PAAF1: variants seen among roughly 807,000 people sequenced by gnomAD.
The protein encoded by PAAF1 is proteasomal ATPase-associated factor 1.
Under a neutral mutation model 52.8 loss-of-function variants are expected in PAAF1, and 46 were observed. The ratio of observed to expected loss-of-function variants is 0.87; its 90% confidence interval spans 0.69 to 1.11. PAAF1 has a LOEUF of 1.11. PAAF1 is among the 50% of genes most tolerant of loss of function. The pLI is 0.00. For missense variants in PAAF1, 424 were observed against 477.4 expected (o/e 0.89, Z 1.04); for synonymous variants, 178 against 172.8 (o/e 1.03, Z -0.24).
intron 10 of PAAF1, among the ~76,000 whole-genome samples, chr11:73,923,058 A>T (rs567039530): frequency 2.0e-5 from 3 of 152,154 alleles, no homozygotes; most frequent in Non-Finnish European, 1.5e-5. Flanking sequence ...ATTCCCTTGC[A>T]TTCCTCAGTC....
At chr11:73,922,154 A>C in intron 10 of PAAF1, 2 of 918,066 alleles carry the variant, frequency 2.2e-6, no homozygotes, top group South Asian at 2.5e-5. Flanking sequence ...CAATGAGTTC[A>C]GTGTCAGGAT....
chr11:73,895,060 A>G (rs530249643), intron 4 of PAAF1, among the ~76,000 whole-genome samples: 2 of 152,338 alleles, frequency 1.3e-5, no homozygotes, highest in African/African-American at 2.4e-5. Flanking sequence ...TGATTCATCC[A>G]TTTATTAATC....
chr11:73,924,747 A>G (rs1223678327), intron 11 of PAAF1, 50 bp downstream of exon 11: 1 of 1,467,790 alleles, frequency 6.8e-7, no homozygotes, highest in South Asian at 1.2e-5. Flanking sequence ...TGAGAGATCT[A>G]GGGCTTTTAT....
intron 2 of PAAF1, chr11:73,887,098 C>T: frequency 2.2e-6 from 1 of 454,970 alleles, no homozygotes; most frequent in Non-Finnish European, 4.2e-6. Context: ...GTCTGCAGAA[C>T]CGTGAGCCAA....
chr11:73,878,862 G>A (rs1318584634), intron 2 of PAAF1, 43 bp downstream of exon 2: 2 of 1,566,856 alleles, frequency 1.3e-6, no homozygotes, highest in African/African-American at 2.7e-5. Flanking sequence ...TAAAGGAGAA[G>A]GATTAATACC....
rs1002919523 is a variant in PAAF1, at chr11:73,928,519, T to A, written c.*1157T>A. Reference sequence around the variant, plus strand: ...TATTTTCACTTAATGTCTCTGAGATTTTCCATCTCAGTACATGTAGACGTT... The same window carrying A: ...TATTTTCACTTAATGTCTCTGAGATATTCCATCTCAGTACATGTAGACGTT... On this transcript the variant is annotated 3_prime_UTR_variant, in exon 12 of 12. Transcript: ENST00000310571. 4.0e-5 allele frequency: 6 copies of A among 150,636 alleles called. No homozygotes were observed. The highest frequency in any genetic ancestry group is 8.8e-5 in the Non-Finnish European group (6 of 67,890). The allele number at this position is 150,636 out of a possible 1,614,324, so 9.3% of individuals were successfully genotyped here. A position where few individuals can be genotyped will look rare whatever the true frequency, so the allele number is the denominator to read the frequency against.
In PAAF1 at chr11:73,900,384, G is replaced by A. The variant is rs374298608; in HGVS notation, c.496G>A (p.Ala166Thr). The change falls in exon 6 of 12, where the codon GCT (alanine) becomes ACT (threonine). Residue 166 changes from alanine (A) to threonine (T), a missense_variant. Physicochemically the swap from Ala to Thr is moderately conservative, Grantham distance 58. Coordinates refer to ENST00000310571, the MANE Select transcript of PAAF1 (RefSeq NM_025155.3). Reference sequence around the variant, plus strand: ...GCTGAAGATATGGTCAGCTGAAGATGCTAGCTGCGTGGTGACCTTCAAAGG... The same window carrying A: ...GCTGAAGATATGGTCAGCTGAAGATACTAGCTGCGTGGTGACCTTCAAAGG... Reference protein sequence around the residue: ...AQLKIWSAEDASCVVTFKGHK... With the variant: ...AQLKIWSAEDTSCVVTFKGHK... The A allele has an allele frequency of 6.8e-6, 11 of 1,612,062 alleles. No homozygotes were observed. Among genetic ancestry groups the A allele is most frequent in the Non-Finnish European group, 9.3e-6 (11 of 1,178,588 alleles).
chr11:73,901,133 A>G (rs1052685913), intron 6 of PAAF1, among the ~76,000 whole-genome samples: 5 of 151,970 alleles, frequency 3.3e-5, no homozygotes. Context: ...ATTTTCTCAT[A>G]TTAGTCTTTT....
chr11:73,924,489 G>A (rs1950302371), intron 10 of PAAF1, 126 bp from the exon 11 acceptor site: 2 of 735,322 alleles, frequency 2.7e-6, no homozygotes, highest in East Asian at 5.3e-5. Context: ...AGATCTATTT[G>A]CCATTCTGGG....
chr11:73,907,292 G>T (rs1165294564), intron 6 of PAAF1, among the ~76,000 whole-genome samples: 1 of 152,062 alleles, frequency 6.6e-6, no homozygotes. Flanking sequence ...TTGAGGTATG[G>T]TATGAGGGCT....
rs192832114 is a variant in PAAF1, at chr11:73,883,204, C to G, written c.89-4150C>G. ...TTTGAACTCCTGGTCTCCAGTGATCCTCCCTCAGCCTCCCAAGTAGCTGGG... is the reference window on the plus strand; with the variant it reads ...TTTGAACTCCTGGTCTCCAGTGATCGTCCCTCAGCCTCCCAAGTAGCTGGG... On this transcript the variant is annotated intron_variant, in intron 2 of 11. Transcript: ENST00000310571. Among the ~76,000 whole-genome samples the G allele has an allele frequency of 5.3e-5, 8 of 152,240 alleles. No homozygotes were observed. In the East Asian group the frequency reaches 1.5e-3, roughly 29 times the overall value.
intron 6 of PAAF1, among the ~76,000 whole-genome samples, chr11:73,908,309 ATATATATGTG>A (rs1176664330): frequency 6.9e-6 from 1 of 144,430 alleles, no homozygotes; most frequent in Non-Finnish European, 1.5e-5. Context: ...GTATATATGT[ATATATATGTG>A]TATATATGTA....
At chr11:73,897,383 T>C (rs1318222517) in intron 4 of PAAF1, among the ~76,000 whole-genome samples, 8 of 138,812 alleles carry the variant, frequency 5.8e-5, no homozygotes, top group Non-Finnish European at 1.3e-4. Context: ...TCCTCACTTC[T>C]CAGACGGGGT....
intron 2 of PAAF1, among the ~76,000 whole-genome samples, chr11:73,886,690 A>G (rs929881080): frequency 1.3e-5 from 2 of 150,990 alleles, no homozygotes; most frequent in African/African-American, 2.4e-5. Context: ...AAAAAAAAAA[A>G]AAAAAAAAGA....
chr11:73,902,596 T>A (rs1210649903), intron 6 of PAAF1, among the ~76,000 whole-genome samples: 3 of 152,264 alleles, frequency 2.0e-5, no homozygotes, highest in Non-Finnish European at 2.9e-5. Context: ...GCAATTATTG[T>A]TCCCTTTACA....
At position 73,909,415 on chromosome 11, in the gene PAAF1, C is replaced by A; in HGVS notation, c.549C>A (p.Ala183=). The change falls in exon 7 of 12, where the codon GCC becomes GCA. Residue 183 remains alanine, a synonymous_variant. Coordinates refer to ENST00000310571, the MANE Select transcript of PAAF1 (RefSeq NM_025155.3). ...TCTTGCTAGGTATCCTGGATACAGC[C>A]ATCGTTGATCGGGGGAGGAATGTGG... ...KGHKGGILDT[A]IVDRGRNVVS... The A allele has an allele frequency of 6.8e-6, 11 of 1,613,972 alleles. No individual in the cohort carries two copies. The highest frequency in any genetic ancestry group is 9.3e-6 in the Non-Finnish European group (11 of 1,179,920).
At chr11:73,900,514 A>G (rs1949568178) in intron 6 of PAAF1, 94 bp downstream of exon 6, 2 of 1,386,086 alleles carry the variant, frequency 1.4e-6, no homozygotes, top group Non-Finnish European at 1.9e-6. Flanking sequence ...TCACAAATAC[A>G]CAAATAATCC....
chr11:73,888,203 T>G (rs924475826), intron 3 of PAAF1, among the ~76,000 whole-genome samples: 3 of 152,216 alleles, frequency 2.0e-5, no homozygotes, highest in Non-Finnish European at 4.4e-5. Context: ...ACAGCTTATC[T>G]CAGCTCAGAC....
At position 73,922,309 on chromosome 11, in the gene PAAF1, A is replaced by G. The variant is rs1368543795; in HGVS notation, c.1019-2306A>G. 5.0e-5 allele frequency: 23 copies of G among 456,896 alleles called. No individual in the cohort carries two copies. The East Asian group carries it at 1.2e-3, about 24-fold the overall frequency. 28.3% of individuals were successfully genotyped at this position (456,896 alleles called of 1,614,324 possible). A position where few individuals can be genotyped will look rare whatever the true frequency, so the allele number is the denominator to read the frequency against. On this transcript the variant is annotated intron_variant, in intron 10 of 11. Coordinates refer to ENST00000310571, the MANE Select transcript of PAAF1 (RefSeq NM_025155.3). ...ACTGATGTCTAAAGGCAAAGGGAGT[A>G]AGATTATAACTCTGTTTTCAGAGGA...
Sources: gnomAD v4.1 joint callset for allele counts (sites outside exome capture counted in the v4.1 genomes callset) on GRCh38, gnomAD v4.1.1 for gene constraint, MANE v1.5 for transcripts, NCBI Gene and HGNC (gene_info 2026-07-23, HGNC 2026-07-21) for gene names.